The following SERPIND1 variants were observed in gnomAD, a reference collection of about 807,000 sequenced individuals.
The protein encoded by SERPIND1 is heparin cofactor 2.
Under a neutral mutation model 35.0 loss-of-function variants are expected in SERPIND1, and 34 were observed. The ratio of observed to expected loss-of-function variants is 0.97; its 90% CI spans 0.74 to 1.29. The LOEUF is 1.29. Ranked by LOEUF, SERPIND1 falls within the 50% of genes most tolerant of loss-of-function variation. SERPIND1 has a pLI of 0.00. For missense variants in SERPIND1, 633 were observed against 637.7 expected, an observed-to-expected ratio of 0.99 and a Z score of 0.08; for synonymous variants, 236 against 241.1, an observed-to-expected ratio of 0.98 and a Z score of 0.19.
intron 1 of SERPIND1, among the ~76,000 whole-genome samples, chr22:20,776,248 T>C (rs1401637489): frequency 6.6e-6 from 1 of 152,112 alleles, no homozygotes; most frequent in Non-Finnish European, 1.5e-5. Context: ...CTCTTGAGCC[T>C]GAGAGGAACA....
At position 20,786,920 on chromosome 22, in the gene SERPIND1, G is replaced by C; in HGVS notation, c.1354G>C (p.Ala452Pro). 6.2e-7 allele frequency: 1 copy of C among 1,614,160 alleles called. No homozygotes were observed. The highest frequency in any genetic ancestry group is 8.5e-7 in the Non-Finnish European group (1 of 1,180,020). The change falls in exon 5 of 5, where the codon GCC (alanine) becomes CCC (proline). Residue 452 changes from alanine to proline, a missense_variant. Coordinates refer to ENST00000215727, the MANE Select transcript of SERPIND1 (RefSeq NM_000185.4). ...TITVNEEGTQ[A>P]TTVTTVGFMP... ...CACAGTGAACGAGGAAGGCACCCAA[G>C]CCACCACTGTGACCACGGTGGGGTT...
At position 20,776,321 on chromosome 22, in the gene SERPIND1, C is replaced by T. The variant is rs115761959; in HGVS notation, c.-17+2176C>T. Among the ~76,000 whole-genome samples, 462 of 152,058 alleles carry T rather than the reference C, an allele frequency of 3.0e-3. 2 individuals carry two copies. Among genetic ancestry groups the T allele is most frequent in the African/African-American group, 0.011 (443 of 41,452 alleles). ...CCTGGGTGACAGAGTGAGACCCCGCCGTCTCAAAATAAAAATAAAAAGAAA... is the reference window on the plus strand; with the variant it reads ...CCTGGGTGACAGAGTGAGACCCCGCTGTCTCAAAATAAAAATAAAAAGAAA... On this transcript the variant is annotated intron_variant, in intron 1 of 4. Transcript: ENST00000215727.
chr22:20,775,743 G>A (rs561757970), intron 1 of SERPIND1, among the ~76,000 whole-genome samples: 305 of 152,186 alleles, frequency 2.0e-3, no homozygotes, highest in African/African-American at 6.5e-3. Flanking sequence ...TCCTGCCTTG[G>A]CCTCCCAAGA....
intron 1 of SERPIND1, among the ~76,000 whole-genome samples, chr22:20,777,024 C>CA (rs1417528946): frequency 6.8e-6 from 1 of 146,240 alleles, no homozygotes; most frequent in Non-Finnish European, 1.5e-5. Context: ...ATAAGCTTAA[C>CA]AAAAGGCAGT....
chr22:20,774,181 A>G (rs1933057724), intron 1 of SERPIND1, 36 bp downstream of exon 1: 1 of 152,200 alleles, frequency 6.6e-6, no homozygotes, highest in African/African-American at 2.4e-5. Flanking sequence ...CTGATTATAA[A>G]TTATTTTTGG....
chr22:20,776,433 C>T (rs1283649984), intron 1 of SERPIND1, among the ~76,000 whole-genome samples: 2 of 152,196 alleles, frequency 1.3e-5, no homozygotes, highest in African/African-American at 2.4e-5. Flanking sequence ...GAAAAGGCAA[C>T]AGGCATTTTG....
In SERPIND1 at chr22:20,786,021, T is replaced by C. The variant is rs775919584; in HGVS notation, c.1181T>C (p.Leu394Pro). The C allele has an allele frequency of 4.3e-6, 7 of 1,614,086 alleles. No individual in the cohort carries two copies. Among genetic ancestry groups the C allele is most frequent in the East Asian group, 4.5e-5 (2 of 44,902 alleles). ...SMTNRTREVL[L>P]PKFKLEKNYN... ...CTGTCTAGAACTCGAGAAGTGCTTC[T>C]GCCGAAATTCAAGCTGGAGAAGAAC... The change falls in exon 4 of 5, where the codon CTG (leucine) becomes CCG (proline). Residue 394 changes from leucine to proline, a missense_variant. Coordinates refer to ENST00000215727, the MANE Select transcript of SERPIND1 (RefSeq NM_000185.4).
intron 1 of SERPIND1, among the ~76,000 whole-genome samples, chr22:20,775,542 C>T (rs1260691529): frequency 6.6e-6 from 1 of 152,232 alleles, no homozygotes; most frequent in East Asian, 1.9e-4. Flanking sequence ...CTCTATCTGG[C>T]CTCAGATACG....
chr22:20,784,109 G>T lies in SERPIND1; in HGVS notation c.1027G>T (p.Asp343Tyr). 6.2e-7 allele frequency: 1 copy of T among 1,614,158 alleles called. No individual in the cohort carries two copies. The highest frequency in any genetic ancestry group is 8.5e-7 in the Non-Finnish European group (1 of 1,180,032). Reference sequence around the variant, plus strand: ...AGCAAATGACCAGGAGCTGGACTGCGACATCCTCCAGCTGGAATACGTGGG... The same window carrying T: ...AGCAAATGACCAGGAGCTGGACTGCTACATCCTCCAGCTGGAATACGTGGG... The part of the protein sequence containing the change: ...LAANDQELDC[D>Y]ILQLEYVGGI... The change falls in exon 3 of 5, where the codon GAC (aspartate) becomes TAC (tyrosine). Residue 343 changes from aspartate to tyrosine, a missense_variant. Asp to Tyr is a radical substitution (Grantham distance 160). Coordinates refer to ENST00000215727, the MANE Select transcript of SERPIND1 (RefSeq NM_000185.4).
chr22:20,783,179 G>A (rs1021563466), intron 2 of SERPIND1, among the ~76,000 whole-genome samples: 27 of 152,172 alleles, frequency 1.8e-4, no homozygotes, highest in Non-Finnish European at 3.7e-4. Flanking sequence ...ACATAGACAT[G>A]GGCTTATTCC....
chr22:20,781,085 A>G (rs920080308), intron 2 of SERPIND1, among the ~76,000 whole-genome samples: 1 of 152,180 alleles, frequency 6.6e-6, no homozygotes, highest in Non-Finnish European at 1.5e-5. Flanking sequence ...GGTGGGATGG[A>G]GAAATAAATT....
At chr22:20,774,488 T>C (rs1352358773) in intron 1 of SERPIND1, among the ~76,000 whole-genome samples, 1 of 152,132 alleles carries the variant, frequency 6.6e-6, no homozygotes, top group African/African-American at 2.4e-5. Flanking sequence ...AGGGGCCGGG[T>C]GCAGTGGCTC....
rs759463568 is a variant in SERPIND1 at position 20,779,846 on chromosome 22, C to T, written c.534C>T (p.His178=). The part of the protein sequence containing the change: ...GLKGETHEQV[H]SILHFKDFVN... ...AGGGAGAGACCCATGAACAAGTGCA[C>T]TCGATTTTGCATTTTAAAGACTTTG... Residue 178 remains histidine, a synonymous_variant, in exon 2 of 5, where the codon CAC becomes CAT. Transcript: ENST00000215727. 4.3e-6 allele frequency: 7 copies of T among 1,614,198 alleles called. No homozygotes were observed. The highest frequency in any genetic ancestry group is 5.9e-6 in the Non-Finnish European group (7 of 1,180,052).
intron 4 of SERPIND1, 60 bp from the exon 5 acceptor site, chr22:20,786,815 G>A: frequency 2.0e-6 from 3 of 1,495,680 alleles, no homozygotes; most frequent in Middle Eastern, 3.4e-4. Flanking sequence ...AGATTGTGCT[G>A]GGAACTCTAG....
rs73877786 is a variant in SERPIND1, at chr22:20,785,999, T to C, written c.1164-5T>C. On this transcript the variant is annotated splice_region_variant and splice_polypyrimidine_tract_variant and intron_variant, in intron 3 of 4. Transcript: ENST00000215727. ...AACTGGGCCCCCCTTTCCTTTTCTGTCTAGAACTCGAGAAGTGCTTCTGCC... is the reference window on the plus strand; with the variant it reads ...AACTGGGCCCCCCTTTCCTTTTCTGCCTAGAACTCGAGAAGTGCTTCTGCC... 879 of 1,614,164 alleles carry C rather than the reference T, an allele frequency of 5.4e-4. 5 individuals carry two copies. In the African/African-American group the frequency reaches 0.01, roughly 19 times the overall value.
chr22:20,786,446 T>A (rs981851083), intron 4 of SERPIND1, among the ~76,000 whole-genome samples: 2 of 152,126 alleles, frequency 1.3e-5, no homozygotes, highest in Non-Finnish European at 2.9e-5. Context: ...GGGAAATAGC[T>A]ACCCCCAGCC....
rs5903 is a variant in SERPIND1 at position 20,779,543 on chromosome 22, C to T, written c.231C>T (p.Asp77=). 15,738 of 1,613,928 alleles carry T rather than the reference C, an allele frequency of 9.8e-3. 1,638 individuals carry two copies. In the Admixed American group the frequency reaches 0.2, roughly 20 times the overall value. Residue 77 remains aspartate (D), a synonymous_variant, in exon 2 of 5, where the codon GAC becomes GAT. Coordinates refer to ENST00000215727, the MANE Select transcript of SERPIND1 (RefSeq NM_000185.4). ...GGATTCCAGAGGGGGAGGAGGACGA[C>T]GACTATCTGGACCTGGAGAAGATAT... is the stretch of plus-strand genomic sequence containing the variant. ...NDWIPEGEED[D]DYLDLEKIFS...
chr22:20,787,291 T>C lies in SERPIND1; in HGVS notation c.*225T>C. 1.7e-6 allele frequency: 1 copy of C among 574,414 alleles called. No individual in the cohort carries two copies. The highest frequency in any genetic ancestry group is 3.1e-6 in the Non-Finnish European group (1 of 320,028). The allele number at this position is 574,414 out of a possible 1,614,324, so 35.6% of individuals were successfully genotyped here. A position where few individuals can be genotyped will look rare whatever the true frequency, so the allele number is the denominator to read the frequency against. On this transcript the variant is annotated 3_prime_UTR_variant, in exon 5 of 5. Transcript: ENST00000215727. Reference sequence around the variant, plus strand: ...AAGCTCATAGAAGTCACTGTAACTGTAGTGTGTCTGCTGTTACCTAGAGGG... The same window carrying C: ...AAGCTCATAGAAGTCACTGTAACTGCAGTGTGTCTGCTGTTACCTAGAGGG...
intron 3 of SERPIND1, among the ~76,000 whole-genome samples, 178 bp from the exon 4 acceptor site, chr22:20,785,826 A>T (rs1388784735): frequency 6.6e-6 from 1 of 152,208 alleles, no homozygotes; most frequent in Admixed American, 6.5e-5. Context: ...TCAGTAGCGG[A>T]ATTACAAAGG....
Sources: gnomAD v4.1 joint callset for allele counts (sites outside exome capture counted in the v4.1 genomes callset) on GRCh38, gnomAD v4.1.1 for gene constraint, MANE v1.5 for transcripts, NCBI Gene and HGNC (gene_info 2026-07-23, HGNC 2026-07-21) for gene names.